Variants in MED12L observed in about 807,000 individuals in gnomAD.
MED12L encodes the protein mediator of RNA polymerase II transcription subunit 12-like protein.
In MED12L, 60 loss-of-function variants were observed where a neutral mutation model predicts 281.3. The observed-to-expected ratio is 0.21, with a 90% confidence interval of 0.17 to 0.26. MED12L has a LOEUF of 0.26. Ranked by LOEUF, MED12L falls within the 10% of genes least tolerant of loss-of-function variation. MED12L has a pLI of 1.00. For synonymous variants in MED12L, 974 were observed against 987.2 expected (o/e 0.99, Z 0.25); for missense variants, 2,146 against 2,680.9 (o/e 0.80, Z 4.41).
At chr3:151,392,885 A>T (rs1020097241) in intron 38 of MED12L, among the ~76,000 whole-genome samples, 2 of 152,228 alleles carry the variant, frequency 1.3e-5, no homozygotes, top group African/African-American at 4.8e-5. Flanking sequence ...AATTTTTAAA[A>T]ATTAGATTAT....
At chr3:151,228,344 C>T (rs1730959716) in intron 16 of MED12L, among the ~76,000 whole-genome samples, 1 of 152,104 alleles carries the variant, frequency 6.6e-6, no homozygotes, top group Admixed American at 6.5e-5. Context: ...GGTTCCTGTT[C>T]CCATAAGAAT....
At chr3:151,376,287 CT>C (rs1227854639) in intron 28 of MED12L, 73 bp downstream of exon 28, 5 of 1,170,954 alleles carry the variant, frequency 4.3e-6, no homozygotes, top group East Asian at 2.8e-5. Context: ...TACTTCCTCT[CT>C]TTTTTTGTCC....
Position 151,364,965 on chromosome 3 carries a change from T to G in MED12L, c.2958-14T>G. On this transcript the variant is annotated splice_polypyrimidine_tract_variant and intron_variant, in intron 21 of 44. Coordinates refer to ENST00000687756, the MANE Select transcript of MED12L (RefSeq NM_001393769.1). ...TTTATTTTTCTGTTTTAACTTTTTT[T>G]CTTATAACCTCAGTAGTGCCTGTTC... 6.3e-7 allele frequency: 1 copy of G among 1,584,192 alleles called. No individual in the cohort carries two copies. Among genetic ancestry groups the G allele is most frequent in the Non-Finnish European group, 8.7e-7 (1 of 1,154,324 alleles).
At chr3:151,231,502 A>G (rs1731663366) in intron 16 of MED12L, among the ~76,000 whole-genome samples, 1 of 152,248 alleles carries the variant, frequency 6.6e-6, no homozygotes, top group Admixed American at 6.5e-5. Context: ...TACTTTTGTA[A>G]TAAACTGTAT....
intron 39 of MED12L, among the ~76,000 whole-genome samples, chr3:151,399,356 T>C (rs1285857751): frequency 6.6e-6 from 1 of 152,250 alleles, no homozygotes; most frequent in African/African-American, 2.4e-5. Flanking sequence ...CAATATTATT[T>C]TCTTAAATAT....
rs1425383494 is a variant in MED12L, at chr3:151,358,508, G to A, written c.2825+1132G>A. ...TAATCTATGTTCTACTTTTAAAATA[G>A]TATATTGAAACCCATTAGTTGGTCA... On this transcript the variant is annotated intron_variant, in intron 20 of 44. Coordinates refer to ENST00000687756, the MANE Select transcript of MED12L (RefSeq NM_001393769.1). Among the ~76,000 whole-genome samples the A allele has an allele frequency of 2.0e-5, 3 of 151,994 alleles. No homozygotes were observed. In the East Asian group the frequency reaches 5.8e-4, roughly 29 times the overall value.
chr3:151,354,155 A>C (rs1201794045), intron 17 of MED12L, among the ~76,000 whole-genome samples: 1 of 150,538 alleles, frequency 6.6e-6, no homozygotes, highest in African/African-American at 2.4e-5. Flanking sequence ...AAAAAAAAAA[A>C]AAAAAAAAAG....
intron 9 of MED12L, among the ~76,000 whole-genome samples, 155 bp downstream of exon 9, chr3:151,164,197 C>T (rs1010090522): frequency 6.6e-6 from 1 of 152,148 alleles, no homozygotes; most frequent in African/African-American, 2.4e-5. Flanking sequence ...ATTGTTTAGC[C>T]TCTTCAGAAC....
At chr3:151,231,288 T>C (rs1731618878) in intron 16 of MED12L, among the ~76,000 whole-genome samples, 1 of 152,226 alleles carries the variant, frequency 6.6e-6, no homozygotes, top group East Asian at 1.9e-4. Flanking sequence ...TAAGCTTCAA[T>C]TGTGGCCAAA....
chr3:151,293,677 A>ACACACC (rs200041934), intron 16 of MED12L, among the ~76,000 whole-genome samples: 1 of 121,258 alleles, frequency 8.2e-6, no homozygotes, highest in African/African-American at 3.8e-5. Context: ...ACACACACAC[A>ACACACC]CCCTCTACCT....
intron 16 of MED12L, among the ~76,000 whole-genome samples, chr3:151,307,607 A>T (rs1746878565): frequency 6.8e-6 from 1 of 148,144 alleles, no homozygotes. Flanking sequence ...TGGGGGGTTG[A>T]TGTAAAGTGG....
rs185696506 is a variant in MED12L, at chr3:151,092,760, T to G, written c.99+5735T>G. On this transcript the variant is annotated intron_variant, in intron 2 of 44. Coordinates refer to ENST00000687756, the MANE Select transcript of MED12L (RefSeq NM_001393769.1). ...AAGAGGAGGCAAGGGAGATACTTCA[T>G]TTCAGAAAGCTCCTCACCTGAGACT... 7.9e-5 allele frequency among the ~76,000 whole-genome samples: 12 copies of G among 152,308 alleles called. No individual in the cohort carries two copies. In the East Asian group the frequency reaches 9.6e-4, roughly 12 times the overall value.
At chr3:151,195,234 A>G (rs1285865936) in intron 16 of MED12L, among the ~76,000 whole-genome samples, 1 of 152,188 alleles carries the variant, frequency 6.6e-6, no homozygotes, top group Non-Finnish European at 1.5e-5. Flanking sequence ...TATCAGCAAA[A>G]CAAAGTATTC....
chr3:151,336,453 C>CA, intron 16 of MED12L: 1 of 451,330 alleles, frequency 2.2e-6, no homozygotes, highest in Non-Finnish European at 4.4e-6. Flanking sequence ...TATTAAAGTT[C>CA]AGTGAACTTT....
intron 16 of MED12L, among the ~76,000 whole-genome samples, chr3:151,242,662 G>A (rs958640722): frequency 1.3e-5 from 2 of 152,266 alleles, no homozygotes; most frequent in South Asian, 4.2e-4. Flanking sequence ...CCACAAAGAT[G>A]GGGAAAAAAC....
At chr3:151,256,194 A>G (rs1737784898) in intron 16 of MED12L, among the ~76,000 whole-genome samples, 1 of 152,234 alleles carries the variant, frequency 6.6e-6, no homozygotes, top group Non-Finnish European at 1.5e-5. Flanking sequence ...ATACATAGCA[A>G]TACATAACTC....
chr3:151,323,078 G>GA (rs1749177814), intron 16 of MED12L, among the ~76,000 whole-genome samples: 1 of 152,212 alleles, frequency 6.6e-6, no homozygotes, highest in South Asian at 2.1e-4. Flanking sequence ...AATTCGAGGA[G>GA]AAGGGGGTGG....
chr3:151,201,107 ATT>A (rs933494386), intron 16 of MED12L: 8 of 152,196 alleles, frequency 5.3e-5, no homozygotes, highest in African/African-American at 1.9e-4. Flanking sequence ...GTTCTAAACA[ATT>A]TTTATGTAAT....
chr3:151,419,596 A>G (rs146758503), intron 43 of MED12L, among the ~76,000 whole-genome samples: 1 of 152,144 alleles, frequency 6.6e-6, no homozygotes, highest in Non-Finnish European at 1.5e-5. Context: ...GCATCTTTCA[A>G]TCTAATCAAG....
Sources: allele counts gnomAD v4.1 joint callset (sites outside exome capture counted in the v4.1 genomes callset), GRCh38; gene constraint gnomAD v4.1.1; transcripts MANE v1.5; gene names NCBI Gene and HGNC (gene_info 2026-07-23, HGNC 2026-07-21).